The following SOCS6 variants were observed in gnomAD, a reference collection of about 807,000 sequenced individuals.
SOCS6 encodes the protein suppressor of cytokine signaling 6, also known as STAT induced STAT inhibitor-4.
In SOCS6, 5 loss-of-function variants were observed where a neutral mutation model predicts 27.7. The ratio of observed to expected loss-of-function variants is 0.18; its 90% CI spans 0.09 to 0.38. The LOEUF is 0.38. Among genes scored for constraint, SOCS6 ranks in the 10% least tolerant of loss-of-function variants. SOCS6 has a pLI of 1.00. For synonymous variants in SOCS6, 271 were observed against 260.0 expected (o/e 1.04, Z -0.41); for missense variants, 595 against 688.1 (o/e 0.86, Z 1.51).
chr18:70,292,292 ATAATT>A (rs1427849262), intron 1 of SOCS6, among the ~76,000 whole-genome samples: 1 of 152,202 alleles, frequency 6.6e-6, no homozygotes, highest in East Asian at 1.9e-4. Flanking sequence ...AGTGGGGACA[ATAATT>A]TATCTCACAG....
rs141530969 is a variant in SOCS6, at chr18:70,326,192, A to G, written c.1524A>G (p.Ile508Met). The change falls in exon 2 of 2, where the codon ATA (isoleucine) becomes ATG (methionine). Residue 508 changes from isoleucine to methionine, a missense_variant. By Grantham distance (10) the Ile-to-Met change is conservative (BLOSUM62 1). Coordinates refer to ENST00000397942, the MANE Select transcript of SOCS6 (RefSeq NM_004232.4). ...RSLQYLCRFV[I>M]RQYTRIDLIQ... Reference sequence around the variant, plus strand: ...TGCAGTACCTGTGTCGTTTTGTTATACGTCAGTATACCAGAATAGACTTAA... The same window carrying G: ...TGCAGTACCTGTGTCGTTTTGTTATGCGTCAGTATACCAGAATAGACTTAA... 8.1e-6 allele frequency: 13 copies of G among 1,614,060 alleles called. No homozygotes were observed. Among genetic ancestry groups the G allele is most frequent in the African/African-American group, 1.3e-5 (1 of 74,942 alleles).
chr18:70,324,413 C>T (rs754917455), intron 1 of SOCS6, 130 bp from the exon 2 acceptor site: 8 of 318,558 alleles, frequency 2.5e-5, no homozygotes, highest in African/African-American at 4.4e-5. Flanking sequence ...AAAGCCCGGT[C>T]CTAACAGAGC....
intron 1 of SOCS6, among the ~76,000 whole-genome samples, chr18:70,294,345 G>GT (rs985500614): frequency 1.1e-4 from 17 of 151,638 alleles, no homozygotes; most frequent in South Asian, 4.2e-4. Context: ...TTTCTTGTCA[G>GT]TTTTTTTTGT....
chr18:70,324,810 G>A lies in SOCS6; in HGVS notation c.142G>A (p.Gly48Ser). ...KDDSLFGSCY[G>S]KDMASCDING... is the part of the protein sequence containing the mutation. Reference sequence around the variant, plus strand: ...TGATTCCTTATTTGGTAGCTGCTATGGTAAAGATATGGCCAGCTGCGATAT... The same window carrying A: ...TGATTCCTTATTTGGTAGCTGCTATAGTAAAGATATGGCCAGCTGCGATAT... The change falls in exon 2 of 2, where the codon GGT becomes AGT. Residue 48 changes from glycine (G) to serine (S), a missense_variant. Transcript: ENST00000397942. 3.1e-6 allele frequency: 5 copies of A among 1,614,144 alleles called. No homozygotes were observed. The highest frequency in any genetic ancestry group is 4.2e-6 in the Non-Finnish European group (5 of 1,180,016).
chr18:70,309,983 G>C, intron 1 of SOCS6, among the ~76,000 whole-genome samples: 1 of 152,162 alleles, frequency 6.6e-6, no homozygotes, highest in East Asian at 1.9e-4. Flanking sequence ...ACCACGCCCA[G>C]CCTGTGCTAT....
At chr18:70,321,196 C>A (rs776142168) in intron 1 of SOCS6, among the ~76,000 whole-genome samples, 16 of 151,678 alleles carry the variant, frequency 1.1e-4, no homozygotes, top group South Asian at 2.1e-4. Flanking sequence ...ATCTCTTGAA[C>A]CCAGGAGGTT....
In SOCS6 at chr18:70,326,425, G is replaced by A; in HGVS notation, c.*149G>A. On this transcript the variant is annotated 3_prime_UTR_variant, in exon 2 of 2. Transcript: ENST00000397942. ...GAGTCATCAGTTTGTTTAGGGGTGG[G>A]GAAGTGTCAGCAAGGTGTCTTGGGT... 2.9e-6 allele frequency: 2 copies of A among 689,734 alleles called. No homozygotes were observed. Among genetic ancestry groups the A allele is most frequent in the Non-Finnish European group, 4.9e-6 (2 of 411,192 alleles). 42.7% of individuals were successfully genotyped at this position (689,734 alleles called of 1,614,324 possible).
chr18:70,321,238 C>T (rs1910973858), intron 1 of SOCS6, among the ~76,000 whole-genome samples: 1 of 151,168 alleles, frequency 6.6e-6, no homozygotes, highest in African/African-American at 2.4e-5. Context: ...CATACCACTG[C>T]ACTCTAGCCT....
intron 1 of SOCS6, among the ~76,000 whole-genome samples, chr18:70,323,021 G>A (rs1018537688): frequency 2.0e-5 from 3 of 152,184 alleles, no homozygotes; most frequent in Non-Finnish European, 1.5e-5. Flanking sequence ...ATCAATCTGT[G>A]TATTGCCACA....
chr18:70,320,075 T>C (rs1910920347), intron 1 of SOCS6, among the ~76,000 whole-genome samples: 1 of 152,096 alleles, frequency 6.6e-6, no homozygotes, highest in Non-Finnish European at 1.5e-5. Flanking sequence ...CACTGCAGTC[T>C]CTGCTTCCTG....
intron 1 of SOCS6, among the ~76,000 whole-genome samples, chr18:70,289,764 G>A (rs1010928508): frequency 6.6e-6 from 1 of 152,088 alleles, no homozygotes; most frequent in African/African-American, 2.4e-5. Context: ...GGCCGGCTGC[G>A]CACTCACCCG....
chr18:70,318,440 C>G (rs1910849921), intron 1 of SOCS6, among the ~76,000 whole-genome samples: 1 of 152,088 alleles, frequency 6.6e-6, no homozygotes, highest in African/African-American at 2.4e-5. Context: ...TGAAAACATT[C>G]CTGATCTCAA....
chr18:70,305,226 G>C (rs1288619479), intron 1 of SOCS6, among the ~76,000 whole-genome samples: 1 of 151,904 alleles, frequency 6.6e-6, no homozygotes, highest in African/African-American at 2.4e-5. Context: ...AAAAAAAAAA[G>C]TTTTATAGTT....
intron 1 of SOCS6, among the ~76,000 whole-genome samples, chr18:70,299,454 A>G (rs1450845070): frequency 6.6e-6 from 1 of 152,214 alleles, no homozygotes; most frequent in Non-Finnish European, 1.5e-5. Flanking sequence ...CCTCCTGCCC[A>G]GCTCACCCTT....
rs968654757 is a variant in SOCS6 at position 70,329,007 on chromosome 18, C to T, written c.*2731C>T. 2 of 167,022 alleles carry T rather than the reference C, an allele frequency of 1.2e-5. No individual in the cohort carries two copies. The highest frequency in any genetic ancestry group is 2.9e-5 in the Non-Finnish European group (2 of 68,110). 10.3% of individuals were successfully genotyped at this position (167,022 alleles called of 1,614,324 possible). A position where few individuals can be genotyped will look rare whatever the true frequency, so the allele number is the denominator to read the frequency against. On this transcript the variant is annotated 3_prime_UTR_variant, in exon 2 of 2. Coordinates refer to ENST00000397942, the MANE Select transcript of SOCS6 (RefSeq NM_004232.4). ...AAGCAAGAAAAAGAAAACAGGAAAGCTGTATCCATTTGCCATAATAGATGA... is the reference window on the plus strand; with the variant it reads ...AAGCAAGAAAAAGAAAACAGGAAAGTTGTATCCATTTGCCATAATAGATGA...
intron 1 of SOCS6, among the ~76,000 whole-genome samples, chr18:70,320,661 A>G (rs1233873112): frequency 6.6e-6 from 1 of 152,196 alleles, no homozygotes; most frequent in Middle Eastern, 3.2e-3. Flanking sequence ...CTCTTACTGT[A>G]CCTAACTTAA....
chr18:70,325,187 G>C lies in SOCS6; in HGVS notation c.519G>C (p.Lys173Asn). The change falls in exon 2 of 2, where the codon AAG becomes AAC. Residue 173 changes from lysine to asparagine, a missense_variant. Transcript: ENST00000397942. This position sits in a 1 kb window ranked among gnomAD's most constrained non-coding sequence, Gnocchi z 6.3. The stretch of plus-strand genomic sequence containing the variant: ...GTCCAGCCCTGAATGGCGTCCGGAA[G>C]GATTTCCACGACCTCCAGTCTGAGA... Reference protein sequence around the residue: ...SPSPALNGVRKDFHDLQSETT... With the variant: ...SPSPALNGVRNDFHDLQSETT... The C allele has an allele frequency of 1.2e-6, 2 of 1,614,150 alleles. No homozygotes were observed. The highest frequency in any genetic ancestry group is 1.7e-6 in the Non-Finnish European group (2 of 1,179,986).
chr18:70,290,173 C>T (rs954085181), intron 1 of SOCS6, among the ~76,000 whole-genome samples: 2 of 152,194 alleles, frequency 1.3e-5, no homozygotes, highest in Non-Finnish European at 2.9e-5. Flanking sequence ...ACAGAAATAA[C>T]GTGAATTACA....
Position 70,316,926 on chromosome 18 carries a change from C to T in SOCS6, c.-126-7617C>T, listed in dbSNP as rs189012891. ...CACTCTATATCCTTACATAATATGTCTAGGATTTCTAGTTTAGCACTTCTT... is the reference window on the plus strand; with the variant it reads ...CACTCTATATCCTTACATAATATGTTTAGGATTTCTAGTTTAGCACTTCTT... On this transcript the variant is annotated intron_variant, in intron 1 of 1. Coordinates refer to ENST00000397942, the MANE Select transcript of SOCS6 (RefSeq NM_004232.4). 2.3e-3 allele frequency among the ~76,000 whole-genome samples: 355 copies of T among 152,206 alleles called. 3 individuals carry two copies. The highest frequency in any genetic ancestry group is 8.3e-3 in the African/African-American group (345 of 41,526).
Sources: gnomAD v4.1 joint callset for allele counts (sites outside exome capture counted in the v4.1 genomes callset) on GRCh38, gnomAD v4.1.1 for gene constraint, Gnocchi (gnomAD v3.1) non-coding constraint, MANE v1.5 for transcripts, NCBI Gene and HGNC (gene_info 2026-07-23, HGNC 2026-07-21) for gene names.